The following NOSTRIN variants were observed in gnomAD, a reference collection of about 807,000 sequenced individuals.
NOSTRIN encodes the protein BM247 homolog.
Under a neutral mutation model 59.0 loss-of-function variants are expected in NOSTRIN, and 63 were observed. That is an observed-to-expected ratio of 1.07 (90% CI 0.87 to 1.32). NOSTRIN has a LOEUF of 1.32. Ranked by LOEUF, NOSTRIN falls within the 40% of genes most tolerant of loss-of-function variation. The pLI is 0.00. For synonymous variants in NOSTRIN, 200 were observed against 165.4 expected, an observed-to-expected ratio of 1.21 and a Z score of -1.61; for missense variants, 512 against 473.1, an observed-to-expected ratio of 1.08 and a Z score of -0.76.
intron 8 of NOSTRIN, among the ~76,000 whole-genome samples, chr2:168,846,216 A>G (rs1441751360): frequency 6.6e-6 from 1 of 152,224 alleles, no homozygotes; most frequent in Admixed American, 6.5e-5. Context: ...AGATTCATGA[A>G]GACATATAAC....
In NOSTRIN at chr2:168,865,080, G is replaced by C; in HGVS notation, c.*110G>C. 2 of 1,169,868 alleles carry C rather than the reference G, an allele frequency of 1.7e-6. No individual in the cohort carries two copies. Among genetic ancestry groups the C allele is most frequent in the South Asian group, 1.5e-5 (1 of 67,508 alleles). 72.5% of individuals were successfully genotyped at this position (1,169,868 alleles called of 1,614,324 possible). ...ACATGTTTTTCTTTTGAAATGGATG[G>C]AGTTCTACCTGCATGTCACAGCACT... On this transcript the variant is annotated 3_prime_UTR_variant, in exon 16 of 16. Transcript: ENST00000317647.
chr2:168,812,414 G>C (rs1390804475), intron 2 of NOSTRIN, among the ~76,000 whole-genome samples: 1 of 152,090 alleles, frequency 6.6e-6, no homozygotes, highest in Non-Finnish European at 1.5e-5. Flanking sequence ...GTAGGTTGTA[G>C]GGGAGAAAAC....
rs145219055 is a variant in NOSTRIN at position 168,857,881 on chromosome 2, T to C, written c.1053+1103T>C. 4.7e-4 allele frequency among the ~76,000 whole-genome samples: 72 copies of C among 152,322 alleles called. No homozygotes were observed. In the East Asian group the frequency reaches 0.014, roughly 29 times the overall value. ...GTGAAAGAAGACAGATGCAGTGAGGTATCGCTGACCTAGTTTTTAGATAGG... is the reference window on the plus strand; with the variant it reads ...GTGAAAGAAGACAGATGCAGTGAGGCATCGCTGACCTAGTTTTTAGATAGG... On this transcript the variant is annotated intron_variant, in intron 12 of 15. Transcript: ENST00000317647.
intron 2 of NOSTRIN, among the ~76,000 whole-genome samples, chr2:168,793,071 G>C (rs1187162413): frequency 1.3e-5 from 2 of 152,170 alleles, no homozygotes; most frequent in African/African-American, 2.4e-5. Context: ...TTTTGAGGAA[G>C]ATACCAGAAA....
intron 2 of NOSTRIN, among the ~76,000 whole-genome samples, chr2:168,789,144 G>A (rs539449445): frequency 1.3e-5 from 2 of 152,146 alleles, no homozygotes; most frequent in African/African-American, 2.4e-5. Context: ...ATCTTTTTGG[G>A]CCAGAAAGCA....
upstream of NOSTRIN, chr2:168,801,310 C>G (rs550642545): frequency 6.6e-6 from 1 of 150,622 alleles, no homozygotes; most frequent in South Asian, 2.1e-4. Context: ...AGCTTTGAAC[C>G]CCTAGACCCA....
At chr2:168,862,181 A>G in intron 15 of NOSTRIN, 132 bp downstream of exon 15, 1 of 734,454 alleles carries the variant, frequency 1.4e-6, no homozygotes, top group Non-Finnish European at 2.3e-6. Context: ...TTGAAAGATA[A>G]GCACATCTAA....
intron 7 of NOSTRIN, among the ~76,000 whole-genome samples, chr2:168,840,213 G>A (rs1293636816): frequency 6.6e-6 from 1 of 151,898 alleles, no homozygotes; most frequent in African/African-American, 2.4e-5. Flanking sequence ...ACAGACACAT[G>A]TGGTTCATTA....
chr2:168,856,698 C>G lies in NOSTRIN; in HGVS notation c.973C>G (p.Arg325Gly). 6.2e-7 allele frequency: 1 copy of G among 1,613,988 alleles called. No homozygotes were observed. Among genetic ancestry groups the G allele is most frequent in the Non-Finnish European group, 8.5e-7 (1 of 1,179,926 alleles). Residue 325 changes from arginine (R) to glycine (G), a missense_variant, in exon 12 of 16, where the codon CGA becomes GGA. Arg to Gly is a moderately radical substitution (Grantham distance 125). Coordinates refer to ENST00000317647, the MANE Select transcript of NOSTRIN (RefSeq NM_001039724.4). ...KASKDKEGLE[R>G]MLKTYSSTSS... ...CATGATTTCATTTTCAGGCCTGGAA[C>G]GAATGCTTAAAACGTACTCCAGCAC...
intron 5 of NOSTRIN, among the ~76,000 whole-genome samples, chr2:168,829,948 A>T (rs576596663): frequency 5.3e-4 from 81 of 152,290 alleles, no homozygotes; most frequent in Middle Eastern, 3.4e-3. Context: ...AATGATTTTT[A>T]AAAATTTTAT....
At chr2:168,798,768 A>AAT (rs1179248305), upstream of NOSTRIN, among the ~76,000 whole-genome samples, 1 of 152,090 alleles carries the variant, frequency 6.6e-6, no homozygotes, top group African/African-American at 2.4e-5. Flanking sequence ...AGAAAGTGTG[A>AAT]ATGGCATACC....
At chr2:168,860,967 C>T (rs929171857) in intron 14 of NOSTRIN, 58 bp downstream of exon 14, 4 of 1,115,340 alleles carry the variant, frequency 3.6e-6, no homozygotes, top group Non-Finnish European at 4.1e-6. Flanking sequence ...CACATTGCTA[C>T]ATTTAAATTT....
Position 168,860,811 on chromosome 2 carries a change from ATG to A in NOSTRIN, c.1199_1200del (p.Val400GlufsTer55), listed in dbSNP as rs1689397944. 1 of 1,608,782 alleles carries A rather than the reference ATG, an allele frequency of 6.2e-7. No individual in the cohort carries two copies. The highest frequency in any genetic ancestry group is 1.3e-5 in the African/African-American group (1 of 74,848). On this transcript the variant is annotated frameshift_variant, in exon 14 of 16. Transcript: ENST00000317647. LOFTEE classifies it high-confidence loss of function. ...TTTGAACAGGAGCATACTCATAGCTATGTGAAAATATCTCGGCCTTTTTTAAT... is the reference window on the plus strand; with the variant it reads ...TTTGAACAGGAGCATACTCATAGCTATGAAAATATCTCGGCCTTTTTTAAT...
intron 3 of NOSTRIN, among the ~76,000 whole-genome samples, chr2:168,827,750 C>T (rs958775445): frequency 2.6e-5 from 4 of 151,700 alleles, no homozygotes; most frequent in African/African-American, 2.4e-5. Flanking sequence ...AAAAGTTTTT[C>T]GTAGAGAAAA....
At chr2:168,864,156 C>T (rs537864213) in intron 15 of NOSTRIN, among the ~76,000 whole-genome samples, 4 of 151,554 alleles carry the variant, frequency 2.6e-5, no homozygotes, top group South Asian at 4.2e-4. Context: ...TTAGTAGAGA[C>T]GGGGTTTCAC....
intron 3 of NOSTRIN, 44 bp downstream of exon 3, chr2:168,824,761 A>G (rs862637): frequency 2.1e-6 from 1 of 478,534 alleles, no homozygotes. Context: ...CCCTTTTTTT[A>G]TTTGTTTTTT....
At position 168,856,736 on chromosome 2, in the gene NOSTRIN, T is replaced by C; in HGVS notation, c.1011T>C (p.Ser337=). The change falls in exon 12 of 16, where the codon TCT becomes TCC. Residue 337 remains serine (S), a synonymous_variant. Coordinates refer to ENST00000317647, the MANE Select transcript of NOSTRIN (RefSeq NM_001039724.4). ...CGTACTCCAGCACCTCCTCCTTCTC[T>C]GATGCAAAGAGCCAGAAAGACACAG... The part of the protein sequence containing the change: ...LKTYSSTSSF[S]DAKSQKDTAA... 2 of 1,614,118 alleles carry C rather than the reference T, an allele frequency of 1.2e-6. No individual in the cohort carries two copies. Among genetic ancestry groups the C allele is most frequent in the South Asian group, 1.1e-5 (1 of 91,088 alleles).
At chr2:168,850,974 C>G (rs760656772) in intron 8 of NOSTRIN, 110 bp from the exon 9 acceptor site, 5 of 846,648 alleles carry the variant, frequency 5.9e-6, no homozygotes, top group Non-Finnish European at 1.0e-5. Flanking sequence ...AGTCAAGAGG[C>G]TAATCATGAG....
intron 2 of NOSTRIN, among the ~76,000 whole-genome samples, chr2:168,822,055 T>G (rs1307557609): frequency 6.6e-6 from 1 of 152,242 alleles, no homozygotes. Flanking sequence ...CCAGAGCATC[T>G]GAGTTCATCA....
Sources: gnomAD v4.1 joint callset for allele counts (sites outside exome capture counted in the v4.1 genomes callset) on GRCh38, gnomAD v4.1.1 for gene constraint, MANE v1.5 for transcripts, NCBI Gene and HGNC (gene_info 2026-07-23, HGNC 2026-07-21) for gene names.